Variants in LTA4H observed in about 807,000 individuals in gnomAD.
LTA4H encodes the protein leukotriene A4 hydrolase.
LTA4H carries 59 observed loss-of-function variants against 89.8 expected under a neutral mutation model. That is an observed-to-expected ratio of 0.66 (90% CI 0.53 to 0.82). The LOEUF (loss-of-function observed/expected upper bound fraction) is 0.82, where lower values mean the gene tolerates loss of function less well. Ranked by LOEUF, LTA4H falls within the 40% of genes least tolerant of loss-of-function variation. The probability of loss-of-function intolerance (pLI) is 0.00; values close to 1 mark genes in which losing one functional copy is unlikely to be tolerated. For missense variants in LTA4H, 617 were observed against 727.0 expected, an observed-to-expected ratio of 0.85 and a Z score of 1.74; for synonymous variants, 227 against 253.1, an observed-to-expected ratio of 0.90 and a Z score of 0.98.
intron 2 of LTA4H, chr12:96,027,776 A>G (rs897244649): frequency 3.3e-6 from 1 of 306,880 alleles, no homozygotes; most frequent in East Asian, 6.3e-5. Flanking sequence ...TACCTCTCCC[A>G]TGCTAACTGC....
chr12:96,019,277 T>G (rs993156788), intron 6 of LTA4H, 37 bp from the exon 7 acceptor site: 1 of 1,535,056 alleles, frequency 6.5e-7, no homozygotes, highest in Non-Finnish European at 8.9e-7. Context: ...AAGAAATTCA[T>G]GGCAAATGAT....
At chr12:96,010,744 T>C (rs1950287351) in intron 14 of LTA4H, 1 of 152,238 alleles carries the variant, frequency 6.6e-6, no homozygotes, top group Admixed American at 6.5e-5. Flanking sequence ...AGGTTTACTC[T>C]AGCTTTAGTG....
In LTA4H at chr12:96,023,501, T is replaced by A. The variant is rs576720206; in HGVS notation, c.480+978A>T. On this transcript the variant is annotated intron_variant, in intron 4 of 18. Coordinates refer to ENST00000228740, the MANE Select transcript of LTA4H (RefSeq NM_000895.3). ...AAGTAGTTGGGACTTCACGCAGTTA[T>A]TAAGTGGTGGAGAAGAGCCAGAGCC... Among the ~76,000 whole-genome samples, 4 of 152,184 alleles carry A rather than the reference T, an allele frequency of 2.6e-5. No homozygotes were observed. In the South Asian group the frequency reaches 8.3e-4, roughly 32 times the overall value.
Position 96,015,570 on chromosome 12 carries a change from T to G in LTA4H, c.1059+13A>C. On this transcript the variant is annotated intron_variant, in intron 11 of 18. Transcript: ENST00000228740. ...ACTTTGGATGAAGGTTTTTAAAACTTTGACTCCTTTACCGAATTCTGTAGT... is the reference window on the plus strand; with the variant it reads ...ACTTTGGATGAAGGTTTTTAAAACTGTGACTCCTTTACCGAATTCTGTAGT... 1 of 1,577,970 alleles carries G rather than the reference T, an allele frequency of 6.3e-7. No homozygotes were observed. Among genetic ancestry groups the G allele is most frequent in the Non-Finnish European group, 8.7e-7 (1 of 1,149,840 alleles).
At chr12:96,016,431 T>TG (rs923769109) in intron 10 of LTA4H, among the ~76,000 whole-genome samples, 3 of 150,438 alleles carry the variant, frequency 2.0e-5, no homozygotes, top group African/African-American at 7.4e-5. Flanking sequence ...GGCGACATGG[T>TG]GAAATCCCAT....
chr12:96,019,899 G>GTT (rs748833448), intron 6 of LTA4H, among the ~76,000 whole-genome samples: 40 of 120,890 alleles, frequency 3.3e-4, no homozygotes, highest in Middle Eastern at 5.2e-3. Context: ...CACGCCCAGC[G>GTT]TTTTTTTTTT....
chr12:96,004,990 C>G (rs956012534), intron 16 of LTA4H, among the ~76,000 whole-genome samples: 3 of 152,170 alleles, frequency 2.0e-5, no homozygotes, highest in African/African-American at 7.2e-5. Flanking sequence ...TTTGTTGCGT[C>G]AAAATCCTAT....
intron 8 of LTA4H, 145 bp downstream of exon 8, chr12:96,018,618 C>T (rs988535899): frequency 1.3e-5 from 6 of 460,540 alleles, no homozygotes; most frequent in Admixed American, 8.5e-5. Context: ...AAAGGTTACA[C>T]GAACAAGAGA....
intron 1 of LTA4H, among the ~76,000 whole-genome samples, chr12:96,042,483 C>T (rs1347604565): frequency 6.6e-6 from 1 of 152,046 alleles, no homozygotes; most frequent in Non-Finnish European, 1.5e-5. Context: ...CCCAAACCTC[C>T]ATGATTTAGC....
chr12:96,016,090 A>G (rs1270931039), intron 10 of LTA4H, among the ~76,000 whole-genome samples: 3 of 138,438 alleles, frequency 2.2e-5, no homozygotes, highest in East Asian at 2.2e-4. Flanking sequence ...GAGGCGGGAG[A>G]ATTATCTGAG....
intron 1 of LTA4H, among the ~76,000 whole-genome samples, chr12:96,030,691 T>A (rs185034049): frequency 1.8e-4 from 28 of 152,310 alleles, no homozygotes; most frequent in African/African-American, 5.3e-4. Flanking sequence ...CTACCAGATC[T>A]CCCTACCTCT....
At chr12:96,006,499 A>G in intron 15 of LTA4H, 90 bp from the exon 16 acceptor site, 1 of 673,276 alleles carries the variant, frequency 1.5e-6, no homozygotes, top group Non-Finnish European at 2.5e-6. Context: ...AATTGAGAAA[A>G]AGAACCATAT....
upstream of LTA4H, chr12:96,035,753 G>A (rs977392631): frequency 3.7e-6 from 4 of 1,082,100 alleles, no homozygotes; most frequent in African/African-American, 4.8e-5. Flanking sequence ...GGGAGCGTGT[G>A]TGTTAGGGAT....
chr12:96,027,200 T>C (rs2660892), intron 3 of LTA4H, among the ~76,000 whole-genome samples: 25,748 of 152,114 alleles, frequency 0.17, 2,880 homozygotes, highest in Non-Finnish European at 0.26. Context: ...GCCTAGAGAG[T>C]CCAATCTAGG....
intron 14 of LTA4H, chr12:96,012,977 G>T: frequency 2.1e-6 from 1 of 486,070 alleles, no homozygotes; most frequent in East Asian, 3.0e-5. Context: ...GTGCAGAAAG[G>T]AGGCACTCAA....
Position 96,043,294 on chromosome 12 carries a change from AG to A in LTA4H, c.81del (p.Leu28Ter). On this transcript the variant is annotated frameshift_variant, in exon 1 of 18. Transcript: ENST00000413268. LOFTEE classifies it high-confidence loss of function. The stretch of plus-strand genomic sequence containing the variant: ...AGAAGGAGCTTGGAACTTACCTTTA[AG>A]GCTGCAAGAAGTCGACGAGTCTTAA... 6.5e-7 allele frequency: 1 copy of A among 1,534,266 alleles called. No homozygotes were observed. Among genetic ancestry groups the A allele is most frequent in the Non-Finnish European group, 8.7e-7 (1 of 1,145,666 alleles).
rs772547894 is a variant in LTA4H, at chr12:96,003,013, C to T, written c.1665G>A (p.Ala555=). The T allele has an allele frequency of 1.7e-5, 28 of 1,605,862 alleles. No homozygotes were observed. The highest frequency in any genetic ancestry group is 2.7e-5 in the African/African-American group (2 of 74,964). ...QSKWEDAIPL[A]LKMATEQGRM... ...TTCCTTGTTCAGTTGCCATCTTTAGCGCCAAAGGAATTGCGTCCTCCCACT... is the reference window on the plus strand; with the variant it reads ...TTCCTTGTTCAGTTGCCATCTTTAGTGCCAAAGGAATTGCGTCCTCCCACT... The change falls in exon 18 of 19, where the codon GCG becomes GCA. Residue 555 remains alanine (A), a synonymous_variant. Coordinates refer to ENST00000228740, the MANE Select transcript of LTA4H (RefSeq NM_000895.3).
intron 17 of LTA4H, 99 bp from the exon 18 acceptor site, chr12:96,003,163 C>T (rs565204566): frequency 1.0e-4 from 77 of 740,382 alleles, no homozygotes; most frequent in Non-Finnish European, 1.7e-4. Flanking sequence ...ATATGAATAA[C>T]CCCACTATAG....
chr12:96,036,852 A>G (rs952195499), upstream of LTA4H, among the ~76,000 whole-genome samples: 2 of 152,224 alleles, frequency 1.3e-5, no homozygotes, highest in South Asian at 4.1e-4. Flanking sequence ...TAGCTCCAGT[A>G]TGCTTCCAGG....
Sources: allele counts gnomAD v4.1 joint callset (sites outside exome capture counted in the v4.1 genomes callset), GRCh38; gene constraint gnomAD v4.1.1; transcripts MANE v1.5; gene names NCBI Gene and HGNC (gene_info 2026-07-23, HGNC 2026-07-21).